The following FAM81A variants were observed in gnomAD, a reference collection of about 807,000 sequenced individuals.
FAM81A encodes the protein protein FAM81A.
Under a neutral mutation model 46.7 loss-of-function variants are expected in FAM81A, and 19 were observed. The ratio of observed to expected loss-of-function variants is 0.41; its 90% CI spans 0.28 to 0.60. The LOEUF is 0.60. FAM81A is among the 20% of genes least tolerant of loss of function. FAM81A has a pLI of 0.34. For synonymous variants in FAM81A, 183 were observed against 152.9 expected, an observed-to-expected ratio of 1.20 and a Z score of -1.45; for missense variants, 377 against 453.5, an observed-to-expected ratio of 0.83 and a Z score of 1.53.
At chr15:59,422,165 T>C (rs558137590) in intron 2 of FAM81A, among the ~76,000 whole-genome samples, 2 of 152,180 alleles carry the variant, frequency 1.3e-5, no homozygotes, top group South Asian at 4.2e-4. Flanking sequence ...GGCAGGAGGA[T>C]TGCTTGAGTC....
chr15:59,450,182 G>T (rs186031795), intron 1 of FAM81A, among the ~76,000 whole-genome samples: 1 of 148,358 alleles, frequency 6.7e-6, no homozygotes, highest in East Asian at 2.0e-4. Context: ...CTGCCGCCTC[G>T]GCCTCCCAAA....
intron 1 of FAM81A, chr15:59,443,909 C>G (rs2141593067): frequency 6.6e-6 from 1 of 152,670 alleles, no homozygotes. Context: ...ATAGTCCTCA[C>G]CAATCAGCAT....
At position 59,458,661 on chromosome 15, in the gene FAM81A, T is replaced by C; in HGVS notation, c.20+15T>C. The C allele has an allele frequency of 6.2e-7, 1 of 1,609,060 alleles. No individual in the cohort carries two copies. Among genetic ancestry groups the C allele is most frequent in the Non-Finnish European group, 8.5e-7 (1 of 1,175,344 alleles). On this transcript the variant is annotated intron_variant, in intron 2 of 8. Transcript: ENST00000288228. ...ATGCATCTAAGGTATACTTTTCCTT[T>C]CCACTCATCCCATGGGGGCTGCTAG...
chr15:59,483,369 A>G (rs2081878318), intron 3 of FAM81A, among the ~76,000 whole-genome samples: 1 of 152,134 alleles, frequency 6.6e-6, no homozygotes, highest in Non-Finnish European at 1.5e-5. Flanking sequence ...TCAGTGCCTC[A>G]AGCAGGTTTC....
At chr15:59,511,622 A>T (rs1387114035) in intron 6 of FAM81A, among the ~76,000 whole-genome samples, 1 of 152,150 alleles carries the variant, frequency 6.6e-6, no homozygotes, top group Non-Finnish European at 1.5e-5. Flanking sequence ...GGAGCTATGT[A>T]TCAGTATTTT....
rs775795435 is a variant in FAM81A, at chr15:59,459,919, G to A, written c.21-14G>A. The A allele has an allele frequency of 6.3e-7, 1 of 1,579,016 alleles. No homozygotes were observed. Among genetic ancestry groups the A allele is most frequent in the Non-Finnish European group, 8.6e-7 (1 of 1,160,552 alleles). Reference sequence around the variant, plus strand: ...TTTTTCCCAATTAACAACCCTCATGGTTCCCTTCTGCAGGCGAGTGAGAAC... The same window carrying A: ...TTTTTCCCAATTAACAACCCTCATGATTCCCTTCTGCAGGCGAGTGAGAAC... On this transcript the variant is annotated splice_polypyrimidine_tract_variant and intron_variant, in intron 2 of 8. Transcript: ENST00000288228.
intron 5 of FAM81A, 105 bp from the exon 6 acceptor site, chr15:59,508,758 A>G: frequency 1.4e-6 from 1 of 709,050 alleles, no homozygotes; most frequent in South Asian, 2.1e-5. Context: ...ATCAAATTAG[A>G]TAGAATCTTA....
At chr15:59,500,458 C>G (rs1238373062) in intron 4 of FAM81A, among the ~76,000 whole-genome samples, 1 of 151,750 alleles carries the variant, frequency 6.6e-6, no homozygotes, top group African/African-American at 2.4e-5. Flanking sequence ...TCACCATGCC[C>G]AGCTAAGTAT....
upstream of FAM81A, among the ~76,000 whole-genome samples, chr15:59,434,613 A>G (rs539373546): frequency 5.3e-5 from 8 of 152,286 alleles, no homozygotes; most frequent in African/African-American, 1.9e-4. Flanking sequence ...GGTCTTCCTC[A>G]TTGCTCCCTG....
At chr15:59,475,529 C>T (rs1378762489) in intron 3 of FAM81A, among the ~76,000 whole-genome samples, 6 of 152,132 alleles carry the variant, frequency 3.9e-5, no homozygotes, top group East Asian at 1.9e-4. Flanking sequence ...TCCCAACGTC[C>T]GAAACACATT....
At chr15:59,438,176 G>T (rs2081256807), upstream of FAM81A, 1 of 146,340 alleles carries the variant, frequency 6.8e-6, no homozygotes, top group Non-Finnish European at 1.5e-5. Flanking sequence ...GCTCCCCGCG[G>T]CGCGGGCCCG....
chr15:59,522,912 A>G lies in FAM81A; in HGVS notation c.*1534A>G, dbSNP rs566891170. On this transcript the variant is annotated 3_prime_UTR_variant, in exon 9 of 9. Coordinates refer to ENST00000288228, the MANE Select transcript of FAM81A (RefSeq NM_152450.3). ...GGACATGAGAGGTTATATAGGGACT[A>G]TATTATCCAACACATATTTTCTTAT... 3 of 152,592 alleles carry G rather than the reference A, an allele frequency of 2.0e-5. No individual in the cohort carries two copies. The highest frequency in any genetic ancestry group is 4.4e-5 in the Non-Finnish European group (3 of 68,036). The allele number at this position is 152,592 out of a possible 1,614,324, so 9.5% of individuals were successfully genotyped here. A position where few individuals can be genotyped will look rare whatever the true frequency, so the allele number is the denominator to read the frequency against.
At chr15:59,433,838 G>T (rs1322182057), upstream of FAM81A, among the ~76,000 whole-genome samples, 1 of 152,098 alleles carries the variant, frequency 6.6e-6, no homozygotes, top group East Asian at 1.9e-4. Context: ...CTTATTCGGT[G>T]AAACATTTTA....
chr15:59,467,094 G>A lies in FAM81A; in HGVS notation c.294+6888G>A, dbSNP rs184630329. ...TCTGTTTTAGTACCAGTACCATGCCGTTTTGGTTACTGTAGCCTTGTAGGA... is the reference window on the plus strand; with the variant it reads ...TCTGTTTTAGTACCAGTACCATGCCATTTTGGTTACTGTAGCCTTGTAGGA... On this transcript the variant is annotated intron_variant, in intron 3 of 8. Transcript: ENST00000288228. 1.3e-4 allele frequency among the ~76,000 whole-genome samples: 20 copies of A among 152,304 alleles called. No individual in the cohort carries two copies. The East Asian group carries it at 2.7e-3, about 21-fold the overall frequency.
At chr15:59,479,466 G>C (rs967588878) in intron 3 of FAM81A, among the ~76,000 whole-genome samples, 9 of 136,724 alleles carry the variant, frequency 6.6e-5, no homozygotes, top group African/African-American at 2.5e-4. Context: ...AGCTGAGATT[G>C]TGCCATTGCA....
At chr15:59,475,871 C>A (rs2081760574) in intron 3 of FAM81A, among the ~76,000 whole-genome samples, 1 of 152,184 alleles carries the variant, frequency 6.6e-6, no homozygotes, top group Non-Finnish European at 1.5e-5. Flanking sequence ...GAATTGCTGT[C>A]TTATAGCCAA....
chr15:59,403,231 C>A (rs1295229747), intron 2 of FAM81A, among the ~76,000 whole-genome samples: 1 of 152,080 alleles, frequency 6.6e-6, no homozygotes, highest in African/African-American at 2.4e-5. Flanking sequence ...TCCCACACCC[C>A]CACATTCATA....
intron 3 of FAM81A, among the ~76,000 whole-genome samples, chr15:59,489,755 A>G (rs1490722928): frequency 1.3e-5 from 2 of 152,176 alleles, no homozygotes; most frequent in Admixed American, 6.5e-5. Context: ...AAATCCATAC[A>G]TCTACAGTAA....
chr15:59,513,235 TTACATTAGGAAA>T (rs1395562569), intron 6 of FAM81A, among the ~76,000 whole-genome samples: 1 of 152,066 alleles, frequency 6.6e-6, no homozygotes, highest in Non-Finnish European at 1.5e-5. Flanking sequence ...TTCTTTTGAT[TTACATTAGGAAA>T]TATCCATAGA....
Sources: allele counts gnomAD v4.1 joint callset (sites outside exome capture counted in the v4.1 genomes callset), GRCh38; gene constraint gnomAD v4.1.1; transcripts MANE v1.5; gene names NCBI Gene and HGNC (gene_info 2026-07-23, HGNC 2026-07-21).